The following MEX3B variants were observed in gnomAD, a reference collection of about 807,000 sequenced individuals.
MEX3B encodes the protein mex-3 RNA binding family member B.
In MEX3B, 10 loss-of-function variants were observed where a neutral mutation model predicts 12.2. That is an observed-to-expected ratio of 0.82 (90% CI 0.51 to 1.40). The LOEUF (loss-of-function observed/expected upper bound fraction) is 1.40, where lower values mean the gene tolerates loss of function less well. MEX3B is among the 40% of genes most tolerant of loss of function. The pLI, the probability that MEX3B is intolerant of heterozygous loss-of-function variation, is 0.00. For missense variants in MEX3B, 839 were observed against 801.4 expected (o/e 1.05, Z -0.57); for synonymous variants, 498 against 356.3 (o/e 1.40, Z -4.48).
Position 82,044,772 on chromosome 15 carries a change from C to T in MEX3B, c.257-159G>A. On this transcript the variant is annotated intron_variant, in intron 1 of 1. Transcript: ENST00000329713. This position sits in a 1 kb window ranked among gnomAD's most constrained non-coding sequence, Gnocchi z 5.3. ...GGGCGTCTCCCTCACTGACCTCGGGCCGCGCCACGGGCTGGGCAGCGGATC... is the reference window on the plus strand; with the variant it reads ...GGGCGTCTCCCTCACTGACCTCGGGTCGCGCCACGGGCTGGGCAGCGGATC... The T allele has an allele frequency of 2.7e-6, 2 of 735,814 alleles. No homozygotes were observed. Among genetic ancestry groups the T allele is most frequent in the Non-Finnish European group, 4.5e-6 (2 of 444,734 alleles). The allele number at this position is 735,814 out of a possible 1,614,324, so 45.6% of individuals were successfully genotyped here. A position where few individuals can be genotyped will look rare whatever the true frequency, so the allele number is the denominator to read the frequency against.
chr15:82,043,496 G>A lies in MEX3B; in HGVS notation c.1374C>T (p.Arg458=). ...APGAGEHHLA[R]RVRSDPGGGG... ...CTCCACCCGGGTCGCTGCGCACCCGGCGAGCCAGGTGGTGCTCTCCCGCCC... is the reference window on the plus strand; with the variant it reads ...CTCCACCCGGGTCGCTGCGCACCCGACGAGCCAGGTGGTGCTCTCCCGCCC... The change falls in exon 2 of 2, where the codon CGC becomes CGT. Residue 458 remains arginine (R), a synonymous_variant. Transcript: ENST00000329713. The A allele has an allele frequency of 6.6e-7, 1 of 1,516,026 alleles. No individual in the cohort carries two copies. The highest frequency in any genetic ancestry group is 8.8e-7 in the Non-Finnish European group (1 of 1,131,058). 93.9% of individuals were successfully genotyped at this position (1,516,026 alleles called of 1,614,324 possible).
Position 82,043,148 on chromosome 15 carries a change from C to T in MEX3B, c.*12G>A, listed in dbSNP as rs367866145. 2.0e-6 allele frequency: 3 copies of T among 1,520,700 alleles called. No individual in the cohort carries two copies. Among genetic ancestry groups the T allele is most frequent in the Non-Finnish European group, 1.8e-6 (2 of 1,134,350 alleles). The allele number at this position is 1,520,700 out of a possible 1,614,324, so 94.2% of individuals were successfully genotyped here. The stretch of plus-strand genomic sequence containing the variant: ...CCCCCAGCACGGTGCGCACTAGCAG[C>T]GCCCGCTGCCTTTAAGAAAAGATGC... On this transcript the variant is annotated 3_prime_UTR_variant, in exon 2 of 2. Coordinates refer to ENST00000329713, the MANE Select transcript of MEX3B (RefSeq NM_032246.6).
At position 82,044,156 on chromosome 15, in the gene MEX3B, C is replaced by T. The variant is rs2073241206; in HGVS notation, c.714G>A (p.Glu238=). The T allele has an allele frequency of 1.2e-6, 2 of 1,613,784 alleles. No homozygotes were observed. The highest frequency in any genetic ancestry group is 1.3e-5 in the African/African-American group (1 of 74,928). Residue 238 remains glutamate (E), a synonymous_variant, in exon 2 of 2, where the codon GAG becomes GAA. Transcript: ENST00000329713. The surrounding 1 kb of genome is among the most constrained non-coding windows in gnomAD (Gnocchi z 5.3). ...RTGGIIELTD[E]NDFHANGTDV... is the part of the protein sequence containing the mutation. ...CGGTGCCGTTGGCGTGGAAGTCGTTCTCGTCTGTGAGCTCAATGATGCCGC... is the reference window on the plus strand; with the variant it reads ...CGGTGCCGTTGGCGTGGAAGTCGTTTTCGTCTGTGAGCTCAATGATGCCGC...
chr15:82,043,945 CGCT>C lies in MEX3B; in HGVS notation c.922_924del (p.Ser308del). ...TCCGCCAGGCGCTGGGTAGCCGCTG[CGCT>C]GCTGCTGGTCCCGCCGCCGAAATAA... On this transcript the variant is annotated inframe_deletion, in exon 2 of 2. Transcript: ENST00000329713. The C allele has an allele frequency of 6.2e-7, 1 of 1,606,582 alleles. No homozygotes were observed.
In MEX3B at chr15:82,045,048, C is replaced by T. The variant is rs564127034; in HGVS notation, c.256+402G>A. 2.8e-4 allele frequency: 166 copies of T among 592,588 alleles called. No individual in the cohort carries two copies. The African/African-American group carries it at 3.0e-3, about 11-fold the overall frequency. 36.7% of individuals were successfully genotyped at this position (592,588 alleles called of 1,614,324 possible). On this transcript the variant is annotated intron_variant, in intron 1 of 1. Coordinates refer to ENST00000329713, the MANE Select transcript of MEX3B (RefSeq NM_032246.6). ...GTGTGAGTCCCGGGACCCATTGTTCCTCCTCTGGGCTCCATTCCGCTTTGC... is the reference window on the plus strand; with the variant it reads ...GTGTGAGTCCCGGGACCCATTGTTCTTCCTCTGGGCTCCATTCCGCTTTGC...
Position 82,044,074 on chromosome 15 carries a change from T to C in MEX3B, c.796A>G (p.Ser266Gly). ...GGCGTGATGCTGGGGGTGGGCTTGC[T>C]CCAGAGGCTGCCTGGGCCGGACCCG... The part of the protein sequence containing the change: ...SGGSGPGSLW[S>G]KPTPSITPTP... Residue 266 changes from serine (S) to glycine (G), a missense_variant, in exon 2 of 2, where the codon AGC becomes GGC. Physicochemically the swap from Ser to Gly is moderately conservative, Grantham distance 56. Around this residue, in one of 3 missense-constraint regions of MEX3B, gnomAD observed 573 missense variants for 488.9 expected, o/e 1.17. Transcript: ENST00000329713. This position sits in a 1 kb window ranked among gnomAD's most constrained non-coding sequence, Gnocchi z 5.3. 6.2e-7 allele frequency: 1 copy of C among 1,610,284 alleles called. No homozygotes were observed. The highest frequency in any genetic ancestry group is 8.5e-7 in the Non-Finnish European group (1 of 1,179,452).
chr15:82,044,806 G>T lies in MEX3B; in HGVS notation c.257-193C>A. The T allele has an allele frequency of 1.6e-6, 1 of 625,738 alleles. No homozygotes were observed. The highest frequency in any genetic ancestry group is 2.8e-6 in the Non-Finnish European group (1 of 355,288). The allele number at this position is 625,738 out of a possible 1,614,324, so 38.8% of individuals were successfully genotyped here. The stretch of plus-strand genomic sequence containing the variant: ...GGGCTGGGCAGCGGATCCCACCCGC[G>T]AGGCGCTCGAGGAACAGCCCATTGG... On this transcript the variant is annotated intron_variant, in intron 1 of 1. Coordinates refer to ENST00000329713, the MANE Select transcript of MEX3B (RefSeq NM_032246.6). The surrounding 1 kb of genome is among the most constrained non-coding windows in gnomAD (Gnocchi z 5.3).
chr15:82,044,682 GCGGGGAC>G lies in MEX3B; in HGVS notation c.257-76_257-70del. On this transcript the variant is annotated intron_variant, in intron 1 of 1. Transcript: ENST00000329713. This position sits in a 1 kb window ranked among gnomAD's most constrained non-coding sequence, Gnocchi z 5.3. ...ACACGCCCATTATCCTGGGGTAACCGCGGGGACCGGGGACAGCCCGCGTCCAGGACAG... is the reference window on the plus strand; with the variant it reads ...ACACGCCCATTATCCTGGGGTAACCGCGGGGACAGCCCGCGTCCAGGACAG... 3 of 1,522,342 alleles carry G rather than the reference GCGGGGAC, an allele frequency of 2.0e-6. No homozygotes were observed. The highest frequency in any genetic ancestry group is 2.7e-6 in the Non-Finnish European group (3 of 1,102,652). 94.3% of individuals were successfully genotyped at this position (1,522,342 alleles called of 1,614,324 possible).
rs1445896988 is a variant in MEX3B at position 82,044,221 on chromosome 15, C to G, written c.649G>C (p.Ala217Pro). ...ATGTGCGCCTCAATCTCCTCTCGAG[C>G]GCGATCCACGTTCTCTGGCATGCCG... is the stretch of plus-strand genomic sequence containing the variant. ...VTGMPENVDR[A>P]REEIEAHIAL... is the part of the protein sequence containing the mutation. The change falls in exon 2 of 2, where the codon GCT becomes CCT. Residue 217 changes from alanine (A) to proline (P), a missense_variant. Ala to Pro is a conservative substitution (Grantham distance 27). This residue lies in a region of MEX3B where 52 missense variants were observed against 88.7 expected (regional missense o/e 0.59). Coordinates refer to ENST00000329713, the MANE Select transcript of MEX3B (RefSeq NM_032246.6). The surrounding 1 kb of genome is among the most constrained non-coding windows in gnomAD (Gnocchi z 5.3). The G allele has an allele frequency of 6.2e-7, 1 of 1,614,046 alleles. No individual in the cohort carries two copies. Among genetic ancestry groups the G allele is most frequent in the Non-Finnish European group, 8.5e-7 (1 of 1,180,030 alleles).
Position 82,045,772 on chromosome 15 carries a change from G to A in MEX3B, c.-67C>T, listed in dbSNP as rs1276992676. ...GGCGGCGAGAAGCTGCGGCCACAAAGGCAGCCGGGAAGCGGGTGGTCAGGG... is the reference window on the plus strand; with the variant it reads ...GGCGGCGAGAAGCTGCGGCCACAAAAGCAGCCGGGAAGCGGGTGGTCAGGG... On this transcript the variant is annotated 5_prime_UTR_variant, in exon 1 of 2. Transcript: ENST00000329713. The A allele has an allele frequency of 1.3e-5, 17 of 1,311,368 alleles. No individual in the cohort carries two copies. Among genetic ancestry groups the A allele is most frequent in the Admixed American group, 8.4e-5 (2 of 23,896 alleles). The allele number at this position is 1,311,368 out of a possible 1,614,324, so 81.2% of individuals were successfully genotyped here.
In MEX3B at chr15:82,045,793, C is replaced by A; in HGVS notation, c.-88G>T. 7.7e-7 allele frequency: 1 copy of A among 1,297,308 alleles called. No homozygotes were observed. The highest frequency in any genetic ancestry group is 2.4e-5 in the South Asian group (1 of 42,424). 80.4% of individuals were successfully genotyped at this position (1,297,308 alleles called of 1,614,324 possible). On this transcript the variant is annotated 5_prime_UTR_variant, in exon 1 of 2. Transcript: ENST00000329713. Reference sequence around the variant, plus strand: ...CAAAGGCAGCCGGGAAGCGGGTGGTCAGGGGCGGGGAGGCCGGTCGCCTGC... The same window carrying A: ...CAAAGGCAGCCGGGAAGCGGGTGGTAAGGGGCGGGGAGGCCGGTCGCCTGC...
Position 82,045,965 on chromosome 15 carries a change from C to T in MEX3B, c.-260G>A. 2.7e-6 allele frequency: 1 copy of T among 373,912 alleles called. No individual in the cohort carries two copies. The highest frequency in any genetic ancestry group is 4.7e-6 in the Non-Finnish European group (1 of 212,556). The allele number at this position is 373,912 out of a possible 1,614,324, so 23.2% of individuals were successfully genotyped here. ...GGTGGGGGCAGAGCTCTAGCGGTGG[C>T]CGCGCGTGCCCCCCGAGTGCCCGGC... On this transcript the variant is annotated 5_prime_UTR_variant, in exon 1 of 2. Coordinates refer to ENST00000329713, the MANE Select transcript of MEX3B (RefSeq NM_032246.6).
chr15:82,045,973 G>T lies in MEX3B; in HGVS notation c.-268C>A, dbSNP rs1192715906. ...CAGAGCTCTAGCGGTGGCCGCGCGTGCCCCCCGAGTGCCCGGCTGGCTGGC... is the reference window on the plus strand; with the variant it reads ...CAGAGCTCTAGCGGTGGCCGCGCGTTCCCCCCGAGTGCCCGGCTGGCTGGC... On this transcript the variant is annotated 5_prime_UTR_variant, in exon 1 of 2. Coordinates refer to ENST00000329713, the MANE Select transcript of MEX3B (RefSeq NM_032246.6). The T allele has an allele frequency of 5.4e-6, 2 of 368,802 alleles. No homozygotes were observed. Among genetic ancestry groups the T allele is most frequent in the Admixed American group, 9.3e-5 (2 of 21,406 alleles). 22.8% of individuals were successfully genotyped at this position (368,802 alleles called of 1,614,324 possible). A position where few individuals can be genotyped will look rare whatever the true frequency, so the allele number is the denominator to read the frequency against.
In MEX3B at chr15:82,044,745, G is replaced by C. The variant is rs2073245965; in HGVS notation, c.257-132C>G. On this transcript the variant is annotated intron_variant, in intron 1 of 1. Coordinates refer to ENST00000329713, the MANE Select transcript of MEX3B (RefSeq NM_032246.6). This position sits in a 1 kb window ranked among gnomAD's most constrained non-coding sequence, Gnocchi z 5.3. Reference sequence around the variant, plus strand: ...CGGCAGGACAAGAGATGGGCGGAAAGGGGGCGTCTCCCTCACTGACCTCGG... The same window carrying C: ...CGGCAGGACAAGAGATGGGCGGAAACGGGGCGTCTCCCTCACTGACCTCGG... 3.4e-6 allele frequency: 3 copies of C among 890,896 alleles called. No individual in the cohort carries two copies. Among genetic ancestry groups the C allele is most frequent in the Non-Finnish European group, 5.2e-6 (3 of 572,698 alleles). 55.2% of individuals were successfully genotyped at this position (890,896 alleles called of 1,614,324 possible).
In MEX3B at chr15:82,044,836, C is replaced by A; in HGVS notation, c.257-223G>T. ...GCTCGAGGAACAGCCCATTGGCTGCCTGGCCCTCCCCCAGTGACTGCAGTC... is the reference window on the plus strand; with the variant it reads ...GCTCGAGGAACAGCCCATTGGCTGCATGGCCCTCCCCCAGTGACTGCAGTC... On this transcript the variant is annotated intron_variant, in intron 1 of 1. Transcript: ENST00000329713. The surrounding 1 kb of genome is among the most constrained non-coding windows in gnomAD (Gnocchi z 5.3). The A allele has an allele frequency of 1.7e-6, 1 of 603,100 alleles. No individual in the cohort carries two copies. The highest frequency in any genetic ancestry group is 2.8e-5 in the East Asian group (1 of 36,104). The allele number at this position is 603,100 out of a possible 1,614,324, so 37.4% of individuals were successfully genotyped here.
At position 82,044,335 on chromosome 15, in the gene MEX3B, T is replaced by TGGGCCCCACCAC; in HGVS notation, c.523_534dup (p.Val175_Pro178dup). The TGGGCCCCACCAC allele has an allele frequency of 6.2e-7, 1 of 1,612,608 alleles. No individual in the cohort carries two copies. Among genetic ancestry groups the TGGGCCCCACCAC allele is most frequent in the Non-Finnish European group, 8.5e-7 (1 of 1,179,964 alleles). ...TGGATGCGCTTGATTGTGGCGCCTT[T>TGGGCCCCACCAC]GGGCCCCACCACGAGCCCCACCACG... On this transcript the variant is annotated inframe_insertion, in exon 2 of 2. Coordinates refer to ENST00000329713, the MANE Select transcript of MEX3B (RefSeq NM_032246.6). This position sits in a 1 kb window ranked among gnomAD's most constrained non-coding sequence, Gnocchi z 5.3.
In MEX3B at chr15:82,043,368, G is replaced by C. The variant is rs1567016989; in HGVS notation, c.1502C>G (p.Ser501Cys). 6.3e-7 allele frequency: 1 copy of C among 1,591,026 alleles called. No individual in the cohort carries two copies. The highest frequency in any genetic ancestry group is 8.6e-7 in the Non-Finnish European group (1 of 1,168,724). The change falls in exon 2 of 2, where the codon TCC (serine) becomes TGC (cysteine). Residue 501 changes from serine (S) to cysteine (C), a missense_variant. Physicochemically the swap from Ser to Cys is moderately radical, Grantham distance 112. Around this residue, in one of 3 missense-constraint regions of MEX3B, gnomAD observed 573 missense variants for 488.9 expected, o/e 1.17. Coordinates refer to ENST00000329713, the MANE Select transcript of MEX3B (RefSeq NM_032246.6). The part of the protein sequence containing the change: ...SGSSSSSSSS[S>C]SSSSSSSGLR... ...CCCGGAGGAAGAGGATGAAGAGCTGGAGGAGGAGCTGGACGAAGAGGAGGA... is the reference window on the plus strand; with the variant it reads ...CCCGGAGGAAGAGGATGAAGAGCTGCAGGAGGAGCTGGACGAAGAGGAGGA...
chr15:82,043,307 G>A lies in MEX3B; in HGVS notation c.1563C>T (p.Cys521=). Residue 521 remains cysteine (C), a synonymous_variant, in exon 2 of 2, where the codon TGC becomes TGT. Coordinates refer to ENST00000329713, the MANE Select transcript of MEX3B (RefSeq NM_032246.6). Reference sequence around the variant, plus strand: ...GCGCGGCAATCACTTCGCTCTCGAAGCACACGGAGCAGTCGCGGCTGCCTT... The same window carrying A: ...GCGCGGCAATCACTTCGCTCTCGAAACACACGGAGCAGTCGCGGCTGCCTT... The part of the protein sequence containing the change: ...RRKGSRDCSV[C]FESEVIAALV... The A allele has an allele frequency of 6.2e-7, 1 of 1,611,106 alleles. No homozygotes were observed. Among genetic ancestry groups the A allele is most frequent in the African/African-American group, 1.3e-5 (1 of 75,000 alleles).
At position 82,043,230 on chromosome 15, in the gene MEX3B, C is replaced by G. The variant is rs769568443; in HGVS notation, c.1640G>C (p.Cys547Ser). The change falls in exon 2 of 2, where the codon TGT becomes TCT. Residue 547 changes from cysteine (C) to serine (S), a missense_variant. This residue lies in a region of MEX3B where 573 missense variants were observed against 488.9 expected (regional missense o/e 1.17). Transcript: ENST00000329713. ...CGGGCACTCGGGCTCGCTCTTCTCA[C>G]AGATGCGATTGGCGCACTCCATGCA... ...LFCMECANRI[C>S]EKSEPECPVC... is the part of the protein sequence containing the mutation. The G allele has an allele frequency of 6.3e-7, 1 of 1,593,344 alleles. No homozygotes were observed. The highest frequency in any genetic ancestry group is 2.2e-5 in the East Asian group (1 of 44,610).
Sources: allele counts gnomAD v4.1 joint callset, GRCh38; gene constraint gnomAD v4.1.1; regional missense constraint gnomAD v4.1.1; non-coding constraint Gnocchi (gnomAD v3.1); transcripts MANE v1.5; gene names NCBI Gene and HGNC (gene_info 2026-07-23, HGNC 2026-07-21).